ZHX2: variants seen among roughly 807,000 people sequenced by gnomAD.
The protein encoded by ZHX2 is zinc fingers and homeoboxes 2.
Under a neutral mutation model 21.9 loss-of-function variants are expected in ZHX2, and 6 were observed. The ratio of observed to expected loss-of-function variants is 0.27; its 90% CI spans 0.15 to 0.54. The LOEUF is 0.54. Among genes scored for constraint, ZHX2 ranks in the 20% least tolerant of loss-of-function variants. The probability of loss-of-function intolerance (pLI) is 0.95; values close to 1 mark genes in which losing one functional copy is unlikely to be tolerated. For synonymous variants in ZHX2, 434 were observed against 437.1 expected (o/e 0.99, Z 0.09); for missense variants, 908 against 1,090.7 (o/e 0.83, Z 2.36).
chr8:122,921,912 T>A (rs1820750840), intron 2 of ZHX2, among the ~76,000 whole-genome samples: 1 of 152,200 alleles, frequency 6.6e-6, no homozygotes, highest in Non-Finnish European at 1.5e-5. Flanking sequence ...TAGTTGAAGC[T>A]GCTTCCCTAT....
At chr8:122,855,672 T>A (rs1164600934) in intron 1 of ZHX2, among the ~76,000 whole-genome samples, 1 of 152,074 alleles carries the variant, frequency 6.6e-6, no homozygotes, top group Non-Finnish European at 1.5e-5. Context: ...AAAAAAGAAG[T>A]TTAGCGAGAA....
intron 3 of ZHX2, among the ~76,000 whole-genome samples, chr8:122,956,141 G>A (rs972451725): frequency 5.3e-5 from 8 of 152,052 alleles, no homozygotes; most frequent in Non-Finnish European, 1.0e-4. Context: ...CACCACGCCC[G>A]ACCTCCCATC....
Position 122,945,602 on chromosome 8 carries a change from G to A in ZHX2, c.-219-5690G>A, listed in dbSNP as rs539210386. Among the ~76,000 whole-genome samples, 6 of 152,268 alleles carry A rather than the reference G, an allele frequency of 3.9e-5. No individual in the cohort carries two copies. The South Asian group carries it at 1.2e-3, about 32-fold the overall frequency. On this transcript the variant is annotated intron_variant, in intron 2 of 3. Transcript: ENST00000314393. Reference sequence around the variant, plus strand: ...GATCAAAAACATGTAAAGGCAGCAAGGGTGTATTTGGAGCTCCAGGATCGT... The same window carrying A: ...GATCAAAAACATGTAAAGGCAGCAAAGGTGTATTTGGAGCTCCAGGATCGT...
At chr8:122,896,972 TA>T (rs1240725105) in intron 2 of ZHX2, among the ~76,000 whole-genome samples, 1 of 152,208 alleles carries the variant, frequency 6.6e-6, no homozygotes, top group African/African-American at 2.4e-5. Context: ...TGGGGATAAA[TA>T]TACTATTAAT....
chr8:122,877,721 GCA>G lies in ZHX2; in HGVS notation c.-220+14183_-220+14184del, dbSNP rs150852979. ...GGCTGCAGGTGACTTGAAGGCTGAT[GCA>G]TTTTCATGGACTGAGAGGATGGGAC... is the stretch of plus-strand genomic sequence containing the variant. On this transcript the variant is annotated intron_variant, in intron 2 of 3. Coordinates refer to ENST00000314393, the MANE Select transcript of ZHX2 (RefSeq NM_014943.5). Among the ~76,000 whole-genome samples, 265 of 152,326 alleles carry G rather than the reference GCA, an allele frequency of 1.7e-3. 1 individual carries two copies. The highest frequency in any genetic ancestry group is 6.1e-3 in the African/African-American group (254 of 41,570).
chr8:122,807,634 G>A (rs941715636), intron 1 of ZHX2: 3 of 152,242 alleles, frequency 2.0e-5, no homozygotes, highest in African/African-American at 7.2e-5. Flanking sequence ...AAAGGGCTTA[G>A]GACTGACCAA....
At chr8:122,806,275 T>C (rs552190252) in intron 1 of ZHX2, among the ~76,000 whole-genome samples, 92 of 152,316 alleles carry the variant, frequency 6.0e-4, no homozygotes, top group African/African-American at 2.1e-3. Flanking sequence ...TCAGTTTTTC[T>C]ATCTGTAGAA....
intron 1 of ZHX2, chr8:122,816,445 T>C (rs895719422): frequency 1.6e-5 from 2 of 125,152 alleles, no homozygotes; most frequent in Non-Finnish European, 3.3e-5. Flanking sequence ...AATGAATCTA[T>C]CTTTTTTTTT....
chr8:122,903,689 T>C (rs1020092437), intron 2 of ZHX2, among the ~76,000 whole-genome samples: 3 of 151,738 alleles, frequency 2.0e-5, no homozygotes, highest in African/African-American at 7.3e-5. Context: ...TAAAAGACTT[T>C]GAAAGGGGAG....
intron 2 of ZHX2, among the ~76,000 whole-genome samples, chr8:122,907,897 T>C (rs924931689): frequency 2.0e-5 from 3 of 152,192 alleles, no homozygotes; most frequent in Admixed American, 2.0e-4. Context: ...GGTTTTTTTG[T>C]TAATCTGAAC....
At chr8:122,880,219 C>T (rs373624816) in intron 2 of ZHX2, among the ~76,000 whole-genome samples, 1 of 151,964 alleles carries the variant, frequency 6.6e-6, no homozygotes, top group Non-Finnish European at 1.5e-5. Context: ...GGGGATTCAC[C>T]CGCCTCAGCC....
intron 2 of ZHX2, among the ~76,000 whole-genome samples, chr8:122,945,431 C>G (rs1812945492): frequency 1.2e-5 from 1 of 80,568 alleles, no homozygotes; most frequent in African/African-American, 6.0e-5. Context: ...TAAACCCTGT[C>G]TCTGCAAAAA....
rs546287553 is a variant in ZHX2, at chr8:122,856,532, T to C, written c.-282-6945T>C. 1.7e-4 allele frequency among the ~76,000 whole-genome samples: 26 copies of C among 152,276 alleles called. No homozygotes were observed. In the South Asian group the frequency reaches 5.2e-3, roughly 31 times the overall value. On this transcript the variant is annotated intron_variant, in intron 1 of 3. Transcript: ENST00000314393. ...TCACTCATATCTCTTCTGTGAGGGC[T>C]CACTTTCATAGACTCCCAATCTTAA...
At chr8:122,868,076 G>A (rs919923969) in intron 2 of ZHX2, among the ~76,000 whole-genome samples, 8 of 152,164 alleles carry the variant, frequency 5.3e-5, no homozygotes, top group African/African-American at 1.9e-4. Context: ...TTTGTGACAC[G>A]ATTGAGCCTT....
chr8:122,972,050 A>C (rs1813738168), intron 3 of ZHX2, among the ~76,000 whole-genome samples: 1 of 152,024 alleles, frequency 6.6e-6, no homozygotes, highest in Non-Finnish European at 1.5e-5. Flanking sequence ...TAGCTTGTGG[A>C]TGCATCAGCC....
chr8:122,822,112 A>T (rs1323529551), intron 1 of ZHX2, among the ~76,000 whole-genome samples: 1 of 152,214 alleles, frequency 6.6e-6, no homozygotes, highest in Non-Finnish European at 1.5e-5. Context: ...CAAGCAAAGC[A>T]GCTCTACTCT....
In ZHX2 at chr8:122,828,548, G is replaced by A. The variant is rs937097106; in HGVS notation, c.-282-34929G>A. ...TGCAGCTAAACCCATGGCAGGAGACGCTGTCCTTGTGACATACCTTGTTGA... is the reference window on the plus strand; with the variant it reads ...TGCAGCTAAACCCATGGCAGGAGACACTGTCCTTGTGACATACCTTGTTGA... On this transcript the variant is annotated intron_variant, in intron 1 of 3. Coordinates refer to ENST00000314393, the MANE Select transcript of ZHX2 (RefSeq NM_014943.5). The surrounding 1 kb of genome is among the most constrained non-coding windows in gnomAD (Gnocchi z 5.2). 6.6e-6 allele frequency among the ~76,000 whole-genome samples: 1 copy of A among 152,236 alleles called. No individual in the cohort carries two copies. The highest frequency in any genetic ancestry group is 2.4e-5 in the African/African-American group (1 of 41,448).
At chr8:122,867,557 G>T (rs529173977) in intron 2 of ZHX2, among the ~76,000 whole-genome samples, 53 of 152,278 alleles carry the variant, frequency 3.5e-4, no homozygotes, top group African/African-American at 1.2e-3. Flanking sequence ...ATTTCAAATT[G>T]CCAGGGAATT....
chr8:122,831,811 G>C (rs552742990), intron 1 of ZHX2, among the ~76,000 whole-genome samples: 1 of 152,324 alleles, frequency 6.6e-6, no homozygotes, highest in South Asian at 2.1e-4. Context: ...ATGAGTGTGA[G>C]TGCACTATGT....
Sources: allele counts gnomAD v4.1 joint callset (sites outside exome capture counted in the v4.1 genomes callset), GRCh38; gene constraint gnomAD v4.1.1; non-coding constraint Gnocchi (gnomAD v3.1); transcripts MANE v1.5; gene names NCBI Gene and HGNC (gene_info 2026-07-23, HGNC 2026-07-21).